The following PPP1R9A variants were observed in gnomAD, a reference collection of about 807,000 sequenced individuals.
PPP1R9A encodes the protein neurabin-1.
In PPP1R9A, 59 loss-of-function variants were observed where a neutral mutation model predicts 141.9. The observed-to-expected ratio is 0.42, with a 90% CI of 0.34 to 0.52. The LOEUF is 0.52. PPP1R9A is among the 20% of genes least tolerant of loss of function. The pLI is 0.10. For missense variants in PPP1R9A, 1,444 were observed against 1,611.9 expected, an observed-to-expected ratio of 0.90 and a Z score of 1.78; for synonymous variants, 500 against 569.7, an observed-to-expected ratio of 0.88 and a Z score of 1.74.
At position 95,066,951 on chromosome 7, in the gene PPP1R9A, G is replaced by C. The variant is rs183078488; in HGVS notation, c.1396-44308G>C. ...AAGGAGAACTTGAAAACTTTCAGGG[G>C]AAACAACAGGCCACGTTAATGGTTG... On this transcript the variant is annotated intron_variant, in intron 2 of 19. Transcript: ENST00000433360. Among the ~76,000 whole-genome samples, 604 of 152,300 alleles carry C rather than the reference G, an allele frequency of 4.0e-3. 8 individuals are homozygous for C. The highest frequency in any genetic ancestry group is 0.014 in the African/African-American group (574 of 41,560).
At chr7:95,003,859 A>G (rs1287952711) in intron 2 of PPP1R9A, among the ~76,000 whole-genome samples, 1 of 152,164 alleles carries the variant, frequency 6.6e-6, no homozygotes, top group Non-Finnish European at 1.5e-5. Flanking sequence ...TTTTATCTTC[A>G]TATGGAATCA....
At chr7:95,257,930 G>A (rs1267642373) in intron 12 of PPP1R9A, among the ~76,000 whole-genome samples, 2 of 152,006 alleles carry the variant, frequency 1.3e-5, no homozygotes, top group African/African-American at 4.8e-5. Flanking sequence ...TGGACATTTG[G>A]GTTGGTTCCA....
chr7:95,011,145 G>A (rs1270555591), intron 2 of PPP1R9A, among the ~76,000 whole-genome samples: 1 of 151,982 alleles, frequency 6.6e-6, no homozygotes, highest in Non-Finnish European at 1.5e-5. Context: ...TCAATATTAT[G>A]TTATATTTAA....
intron 5 of PPP1R9A, among the ~76,000 whole-genome samples, chr7:95,193,875 A>T (rs1835866002): frequency 6.6e-6 from 1 of 152,074 alleles, no homozygotes. Context: ...CTTGTCTTTC[A>T]GAGAAAATGA....
intron 8 of PPP1R9A, among the ~76,000 whole-genome samples, chr7:95,231,554 A>G (rs1168815226): frequency 1.3e-5 from 2 of 152,162 alleles, no homozygotes; most frequent in Admixed American, 6.5e-5. Flanking sequence ...GTTCTCTAAG[A>G]CCACAGTGAA....
At position 95,103,508 on chromosome 7, in the gene PPP1R9A, C is replaced by T. The variant is rs575246498; in HGVS notation, c.1396-7751C>T. ...TCAGCCTCCTGAGTAGCTGGGACTA[C>T]AGGCACCTGCCATCACGCCCAGCTA... On this transcript the variant is annotated intron_variant, in intron 2 of 19. Coordinates refer to ENST00000433360, the MANE Select transcript of PPP1R9A (RefSeq NM_001166160.2). 3.3e-3 allele frequency among the ~76,000 whole-genome samples: 499 copies of T among 152,010 alleles called. 3 individuals carry two copies. The highest frequency in any genetic ancestry group is 0.011 in the African/African-American group (469 of 41,488).
At chr7:95,042,165 T>C (rs540106233) in intron 2 of PPP1R9A, among the ~76,000 whole-genome samples, 51 of 152,242 alleles carry the variant, frequency 3.3e-4, no homozygotes, top group Middle Eastern at 3.4e-3. Context: ...GAAATAGACC[T>C]ATATGTAAGC....
chr7:95,133,787 C>G (rs1406683949), intron 4 of PPP1R9A, among the ~76,000 whole-genome samples: 1 of 151,934 alleles, frequency 6.6e-6, no homozygotes, highest in Non-Finnish European at 1.5e-5. Flanking sequence ...ACCTCCACCT[C>G]CCGGGTTCAA....
chr7:95,155,060 A>G lies in PPP1R9A; in HGVS notation c.1650-6807A>G, dbSNP rs560882874. 6.6e-5 allele frequency: 10 copies of G among 152,318 alleles called. No homozygotes were observed. The East Asian group carries it at 1.5e-3, about 23-fold the overall frequency. 9.4% of individuals were successfully genotyped at this position (152,318 alleles called of 1,614,324 possible). A position where few individuals can be genotyped will look rare whatever the true frequency, so the allele number is the denominator to read the frequency against. The stretch of plus-strand genomic sequence containing the variant: ...TCATCTTCTAGTGGAAACTATATCC[A>G]GAACCAAAATGGTGAAGAACTAGAA... On this transcript the variant is annotated intron_variant, in intron 4 of 19. Transcript: ENST00000433360.
chr7:95,244,456 G>A (rs1369905711), intron 8 of PPP1R9A, among the ~76,000 whole-genome samples: 1 of 152,134 alleles, frequency 6.6e-6, no homozygotes, highest in Non-Finnish European at 1.5e-5. Context: ...ATGTGAAAGG[G>A]CCCTTGGAGT....
intron 5 of PPP1R9A, among the ~76,000 whole-genome samples, chr7:95,167,161 T>C (rs919002104): frequency 1.3e-5 from 2 of 152,112 alleles, no homozygotes; most frequent in Non-Finnish European, 2.9e-5. Context: ...AGTCACATCT[T>C]ACATCTTACA....
intron 16 of PPP1R9A, among the ~76,000 whole-genome samples, chr7:95,283,251 T>G (rs562502276): frequency 7.5e-4 from 114 of 152,346 alleles, no homozygotes; most frequent in Non-Finnish European, 1.1e-3. Context: ...TTCAAATGCC[T>G]TTGAATCCTT....
chr7:95,047,093 T>C (rs955457180), intron 2 of PPP1R9A, among the ~76,000 whole-genome samples: 2 of 152,232 alleles, frequency 1.3e-5, no homozygotes, highest in Non-Finnish European at 2.9e-5. Flanking sequence ...CCAGGTTCTG[T>C]GTAACACACA....
At chr7:95,274,662 A>G (rs1215996640) in intron 16 of PPP1R9A, among the ~76,000 whole-genome samples, 1 of 152,182 alleles carries the variant, frequency 6.6e-6, no homozygotes, top group Non-Finnish European at 1.5e-5. Context: ...GGGCACTGTC[A>G]ACTATGCTTA....
chr7:95,241,572 C>T (rs912145541), intron 8 of PPP1R9A, among the ~76,000 whole-genome samples: 3 of 151,910 alleles, frequency 2.0e-5, no homozygotes, highest in African/African-American at 4.8e-5. Flanking sequence ...GAAGGTACGG[C>T]GAGGCTGGCT....
chr7:94,941,234 G>A (rs540375711), intron 2 of PPP1R9A, among the ~76,000 whole-genome samples: 1 of 152,218 alleles, frequency 6.6e-6, no homozygotes, highest in South Asian at 2.1e-4. Flanking sequence ...GACAAACAAG[G>A]CTTAGAGTTA....
intron 2 of PPP1R9A, among the ~76,000 whole-genome samples, chr7:94,981,216 C>G (rs1800064250): frequency 1.3e-5 from 2 of 152,110 alleles, no homozygotes; most frequent in South Asian, 4.2e-4. Context: ...CCTTCTTAGG[C>G]AGGGGGCCCA....
At chr7:95,154,796 C>T (rs889892681) in intron 4 of PPP1R9A, 2 of 152,120 alleles carry the variant, frequency 1.3e-5, no homozygotes. Flanking sequence ...CCAAAATACA[C>T]TGTTCAAGAT....
chr7:95,179,195 C>G (rs1833347746), intron 5 of PPP1R9A, among the ~76,000 whole-genome samples: 1 of 152,146 alleles, frequency 6.6e-6, no homozygotes, highest in African/African-American at 2.4e-5. Context: ...GGGTTTCATA[C>G]TAGGGATGCA....
Sources: allele counts gnomAD v4.1 joint callset (sites outside exome capture counted in the v4.1 genomes callset), GRCh38; gene constraint gnomAD v4.1.1; transcripts MANE v1.5; gene names NCBI Gene and HGNC (gene_info 2026-07-23, HGNC 2026-07-21).